The following CATSPERE variants were observed in gnomAD, a reference collection of about 807,000 sequenced individuals.
The protein encoded by CATSPERE is catsper channel auxiliary subunit epsilon.
Under a neutral mutation model 114.1 loss-of-function variants are expected in CATSPERE, and 93 were observed. The observed-to-expected ratio is 0.81, with a 90% CI of 0.69 to 0.97. The LOEUF (loss-of-function observed/expected upper bound fraction) is 0.97, where lower values mean the gene tolerates loss of function less well. Ranked by LOEUF, CATSPERE falls within the 50% of genes least tolerant of loss-of-function variation. CATSPERE has a pLI of 0.00. For synonymous variants in CATSPERE, 341 were observed against 384.1 expected (o/e 0.89, Z 1.31); for missense variants, 1,058 against 1,131.6 (o/e 0.93, Z 0.93).
At chr1:244,580,094 T>G (rs1052854265) in intron 11 of CATSPERE, among the ~76,000 whole-genome samples, 7 of 152,254 alleles carry the variant, frequency 4.6e-5, no homozygotes, top group South Asian at 2.1e-4. Context: ...TGGAGTGCAG[T>G]GGCACAATGT....
At chr1:244,609,371 T>G (rs1337679260) in intron 18 of CATSPERE, among the ~76,000 whole-genome samples, 2 of 151,654 alleles carry the variant, frequency 1.3e-5, no homozygotes, top group Middle Eastern at 3.4e-3. Flanking sequence ...TTTTTTTTTT[T>G]AGAGAGTCTC....
chr1:244,491,330 G>T (rs1172433773), intron 6 of CATSPERE, among the ~76,000 whole-genome samples: 1 of 152,102 alleles, frequency 6.6e-6, no homozygotes, highest in East Asian at 1.9e-4. Context: ...TGAACAACCT[G>T]CTCCTGAATG....
intron 15 of CATSPERE, among the ~76,000 whole-genome samples, chr1:244,592,374 CTAAA>C (rs1395814388): frequency 3.9e-5 from 6 of 151,946 alleles, no homozygotes; most frequent in Non-Finnish European, 5.9e-5. Context: ...AAAGATATAA[CTAAA>C]TAAAATTTGA....
At chr1:244,621,073 AT>A (rs58138898) in intron 20 of CATSPERE, among the ~76,000 whole-genome samples, 15 of 57,192 alleles carry the variant, frequency 2.6e-4, no homozygotes, top group East Asian at 8.1e-4. Flanking sequence ...TATATATAAA[AT>A]ATATATATAA....
chr1:244,487,293 C>G (rs540494582), intron 5 of CATSPERE, among the ~76,000 whole-genome samples: 1 of 152,230 alleles, frequency 6.6e-6, no homozygotes, highest in African/African-American at 2.4e-5. Flanking sequence ...TTCTAGTCAC[C>G]TGGTGGGTGG....
At chr1:244,561,837 C>T (rs1662603437) in intron 10 of CATSPERE, among the ~76,000 whole-genome samples, 1 of 152,090 alleles carries the variant, frequency 6.6e-6, no homozygotes, top group South Asian at 2.1e-4. Context: ...ATTCTCATTT[C>T]CCAAATAACC....
chr1:244,539,842 C>T (rs1282858814), intron 8 of CATSPERE, among the ~76,000 whole-genome samples: 10 of 138,194 alleles, frequency 7.2e-5, no homozygotes, highest in Non-Finnish European at 1.2e-4. Flanking sequence ...TTTTTTATTG[C>T]GTCTATTTGA....
chr1:244,488,767 C>G (rs55638659), intron 5 of CATSPERE, among the ~76,000 whole-genome samples: 3,673 of 152,076 alleles, frequency 0.024, 149 homozygotes, highest in African/African-American at 0.084. Flanking sequence ...GCCCTGGAGC[C>G]GGGGTCTTTT....
At chr1:244,518,837 A>G (rs1677060392) in intron 8 of CATSPERE, 139 bp downstream of exon 8, 1 of 514,798 alleles carries the variant, frequency 1.9e-6, no homozygotes, top group Non-Finnish European at 3.4e-6. Flanking sequence ...AAATTTGATA[A>G]TCAGAACTAA....
rs181023827 is a variant in CATSPERE at position 244,522,467 on chromosome 1, C to T, written c.536+3769C>T. On this transcript the variant is annotated intron_variant, in intron 8 of 21. Transcript: ENST00000366534. ...AACACATTCAAAAGGTAGCAGACGG[C>T]GAGAAATAACTAAAATCAGAGCAGA... is the stretch of plus-strand genomic sequence containing the variant. Among the ~76,000 whole-genome samples the T allele has an allele frequency of 5.7e-4, 86 of 151,790 alleles. 2 individuals carry two copies. The highest frequency in any genetic ancestry group is 1.9e-3 in the African/African-American group (77 of 41,376).
chr1:244,621,029 AT>A (rs1672039602), intron 20 of CATSPERE, among the ~76,000 whole-genome samples: 2 of 99,736 alleles, frequency 2.0e-5, no homozygotes, highest in East Asian at 4.8e-4. Flanking sequence ...ATATATATAA[AT>A]ATATATAAAA....
Position 244,631,593 on chromosome 1 carries a change from G to A in CATSPERE, c.2649-3896G>A, listed in dbSNP as rs1299973778. On this transcript the variant is annotated intron_variant, in intron 20 of 21. Coordinates refer to ENST00000366534, the MANE Select transcript of CATSPERE (RefSeq NM_001130957.2). ...TTATTATCCAGAATATACAAAGAACGCTTACAACTCGACAATAAGAAAATA... is the reference window on the plus strand; with the variant it reads ...TTATTATCCAGAATATACAAAGAACACTTACAACTCGACAATAAGAAAATA... Among the ~76,000 whole-genome samples the A allele has an allele frequency of 2.6e-5, 4 of 152,194 alleles. No individual in the cohort carries two copies. The East Asian group carries it at 5.8e-4, about 22-fold the overall frequency.
intron 20 of CATSPERE, among the ~76,000 whole-genome samples, chr1:244,618,160 C>G (rs907308239): frequency 1.2e-4 from 19 of 152,118 alleles, no homozygotes; most frequent in Non-Finnish European, 2.5e-4. Context: ...CTGGAGAACA[C>G]AGAACATCAG....
chr1:244,595,022 A>G (rs58029906), intron 17 of CATSPERE, among the ~76,000 whole-genome samples: 26,494 of 152,030 alleles, frequency 0.17, 2,367 homozygotes, highest in South Asian at 0.21. Context: ...CCAGAGGCCT[A>G]GTGTGTTTGT....
intron 7 of CATSPERE, among the ~76,000 whole-genome samples, chr1:244,516,084 G>A (rs547741434): frequency 5.3e-5 from 8 of 151,514 alleles, no homozygotes; most frequent in South Asian, 2.1e-4. Flanking sequence ...ACAGCTATTC[G>A]GGAGGCTGAG....
chr1:244,455,384 T>A (rs1344461369), intron 1 of CATSPERE, among the ~76,000 whole-genome samples: 1 of 152,202 alleles, frequency 6.6e-6, no homozygotes, highest in Non-Finnish European at 1.5e-5. Flanking sequence ...CACCTGTGTG[T>A]CCATGGTTAT....
chr1:244,562,258 A>G (rs1662687013), intron 10 of CATSPERE, among the ~76,000 whole-genome samples: 1 of 152,094 alleles, frequency 6.6e-6, no homozygotes, highest in African/African-American at 2.4e-5. Context: ...TATAATAGAT[A>G]TAAAACGAAT....
At chr1:244,618,995 G>A (rs1671752627) in intron 20 of CATSPERE, among the ~76,000 whole-genome samples, 1 of 152,176 alleles carries the variant, frequency 6.6e-6, no homozygotes, top group Non-Finnish European at 1.5e-5. Flanking sequence ...GATTAAAATA[G>A]TGGCATTTCC....
At chr1:244,557,585 A>AT (rs1661852700) in intron 9 of CATSPERE, among the ~76,000 whole-genome samples, 4 of 107,108 alleles carry the variant, frequency 3.7e-5, no homozygotes, top group South Asian at 3.0e-4. Flanking sequence ...ATATATATAA[A>AT]ATCTCCCAGG....
Sources: gnomAD v4.1 joint callset for allele counts (sites outside exome capture counted in the v4.1 genomes callset) on GRCh38, gnomAD v4.1.1 for gene constraint, MANE v1.5 for transcripts, NCBI Gene and HGNC (gene_info 2026-07-23, HGNC 2026-07-21) for gene names.